Variants in HSP90B1 observed in about 807,000 individuals in gnomAD.
HSP90B1 encodes endoplasmin.
In HSP90B1, 27 loss-of-function variants were observed where a neutral mutation model predicts 100.4. The ratio of observed to expected loss-of-function variants is 0.27; its 90% CI spans 0.20 to 0.37. The LOEUF is 0.37. Among genes scored for constraint, HSP90B1 ranks in the 10% least tolerant of loss-of-function variants. The probability of loss-of-function intolerance (pLI) is 1.00; values close to 1 mark genes in which losing one functional copy is unlikely to be tolerated. For missense variants in HSP90B1, 678 were observed against 960.5 expected (o/e 0.71, Z 3.89); for synonymous variants, 304 against 330.8 (o/e 0.92, Z 0.88).
At position 103,934,175 on chromosome 12, in the gene HSP90B1, G is replaced by A. The variant is rs780636706; in HGVS notation, c.631G>A (p.Val211Ile). 1.2e-6 allele frequency: 2 copies of A among 1,614,182 alleles called. No homozygotes were observed. The highest frequency in any genetic ancestry group is 1.7e-6 in the Non-Finnish European group (2 of 1,180,040). ...CTTCCTTGTAGCAGATAAGGTTATTGTCACTTCAAAACACAACAACGATAC... is the reference window on the plus strand; with the variant it reads ...CTTCCTTGTAGCAGATAAGGTTATTATCACTTCAAAACACAACAACGATAC... ...SAFLVADKVI[V>I]TSKHNNDTQH... Residue 211 changes from valine to isoleucine, a missense_variant, in exon 5 of 18, where the codon GTC becomes ATC. Physicochemically the swap from Val to Ile is conservative, Grantham distance 29. This residue lies in a region of HSP90B1 where 238 missense variants were observed against 346.7 expected (regional missense o/e 0.69). Coordinates refer to ENST00000299767, the MANE Select transcript of HSP90B1 (RefSeq NM_003299.3).
In HSP90B1 at chr12:103,937,796, G is replaced by A. The variant is rs749380659; in HGVS notation, c.845G>A (p.Trp282Ter). Residue 282 changes from tryptophan to a stop codon, truncating the protein, a stop_gained, in exon 6 of 18, where the codon TGG becomes TAG. Coordinates refer to ENST00000299767, the MANE Select transcript of HSP90B1 (RefSeq NM_003299.3). LOFTEE classifies it high-confidence loss of function. ...TTCATAAACTTTCCTATTTATGTAT[G>A]GAGCAGCAAGGTAAATCTATATTGA... is the stretch of plus-strand genomic sequence containing the variant. The part of the protein sequence containing the change: ...SQFINFPIYV[W>*]SSKTETVEEP... 1 of 1,456,926 alleles carries A rather than the reference G, an allele frequency of 6.9e-7. No homozygotes were observed. Among genetic ancestry groups the A allele is most frequent in the South Asian group, 1.2e-5 (1 of 86,530 alleles). 90.2% of individuals were successfully genotyped at this position (1,456,926 alleles called of 1,614,324 possible). A position where few individuals can be genotyped will look rare whatever the true frequency, so the allele number is the denominator to read the frequency against.
intron 2 of HSP90B1, 112 bp from the exon 3 acceptor site, chr12:103,932,165 C>T: frequency 2.5e-6 from 2 of 795,224 alleles, no homozygotes; most frequent in Non-Finnish European, 3.9e-6. Flanking sequence ...TAAAGGTTTC[C>T]ATTTTAACCC....
intron 5 of HSP90B1, 82 bp from the exon 6 acceptor site, chr12:103,937,613 G>A: frequency 2.8e-6 from 2 of 722,770 alleles, no homozygotes; most frequent in Non-Finnish European, 5.0e-6. Context: ...TGAACTGCTG[G>A]CTATTACCAT....
intron 6 of HSP90B1, 71 bp downstream of exon 6, chr12:103,937,877 A>C: frequency 1.2e-6 from 1 of 822,790 alleles, no homozygotes; most frequent in Non-Finnish European, 2.0e-6. Flanking sequence ...CACTAAAAGA[A>C]TGAAGGCAGG....
intron 5 of HSP90B1, among the ~76,000 whole-genome samples, chr12:103,936,763 A>G (rs1869931837): frequency 6.6e-6 from 1 of 152,016 alleles, no homozygotes. Flanking sequence ...AAATGCTTCT[A>G]CCTAAGATAT....
At chr12:103,942,916 G>T in intron 12 of HSP90B1, 120 bp downstream of exon 12, 1 of 1,420,350 alleles carries the variant, frequency 7.0e-7, no homozygotes, top group South Asian at 1.4e-5. Flanking sequence ...ATAAGGCCTG[G>T]TCAGTCACTG....
At chr12:103,932,791 A>G (rs749412610) in intron 3 of HSP90B1, 35 bp from the exon 4 acceptor site, 27 of 1,050,886 alleles carry the variant, frequency 2.6e-5, no homozygotes, top group Non-Finnish European at 3.9e-5. Flanking sequence ...CATCTTGAGG[A>G]TAGTCTAAGT....
Position 103,943,258 on chromosome 12 carries a change from C to T in HSP90B1, c.1829C>T (p.Ala610Val). 1 of 1,613,952 alleles carries T rather than the reference C, an allele frequency of 6.2e-7. No individual in the cohort carries two copies. The part of the protein sequence containing the change: ...ESEKTKESRE[A>V]VEKEFEPLLN... Reference sequence around the variant, plus strand: ...GAGAAAACTAAGGAGAGTCGTGAAGCAGTTGAGAAAGAATTTGAGCCTCTG... The same window carrying T: ...GAGAAAACTAAGGAGAGTCGTGAAGTAGTTGAGAAAGAATTTGAGCCTCTG... The change falls in exon 13 of 18, where the codon GCA becomes GTA. Residue 610 changes from alanine to valine, a missense_variant. Around this residue, in one of 8 missense-constraint regions of HSP90B1, gnomAD observed 170 missense variants for 236.7 expected, o/e 0.72. Coordinates refer to ENST00000299767, the MANE Select transcript of HSP90B1 (RefSeq NM_003299.3). This position sits in a 1 kb window ranked among gnomAD's most constrained non-coding sequence, Gnocchi z 5.3.
chr12:103,938,541 G>C, intron 7 of HSP90B1, 82 bp downstream of exon 7: 1 of 1,473,068 alleles, frequency 6.8e-7, no homozygotes, highest in Admixed American at 2.2e-5. Context: ...TGCACTGGCT[G>C]ATTTGAAGTC....
At chr12:103,938,051 A>G (rs942362705) in intron 6 of HSP90B1, among the ~76,000 whole-genome samples, 5 of 151,922 alleles carry the variant, frequency 3.3e-5, no homozygotes, top group Non-Finnish European at 7.4e-5. Context: ...CACGCCTGTA[A>G]TCCCAGCTAC....
rs752506564 is a variant in HSP90B1, at chr12:103,943,754, T to C, written c.1907T>C (p.Val636Ala). 1.1e-5 allele frequency: 18 copies of C among 1,613,726 alleles called. No homozygotes were observed. Among genetic ancestry groups the C allele is most frequent in the South Asian group, 2.2e-5 (2 of 91,026 alleles). ...TTCCCTAAGATTGAAAAGGCTGTGGTGTCTCAGCGCCTGACAGAATCTCCG... is the reference window on the plus strand; with the variant it reads ...TTCCCTAAGATTGAAAAGGCTGTGGCGTCTCAGCGCCTGACAGAATCTCCG... ...ALKDKIEKAV[V>A]SQRLTESPCA... is the part of the protein sequence containing the mutation. The change falls in exon 14 of 18, where the codon GTG (valine) becomes GCG (alanine). Residue 636 changes from valine to alanine, a missense_variant. Val to Ala is a moderately conservative substitution (Grantham distance 64). This residue lies in a region of HSP90B1 where 170 missense variants were observed against 236.7 expected (regional missense o/e 0.72). Coordinates refer to ENST00000299767, the MANE Select transcript of HSP90B1 (RefSeq NM_003299.3). The surrounding 1 kb of genome is among the most constrained non-coding windows in gnomAD (Gnocchi z 5.3).
At position 103,943,602 on chromosome 12, in the gene HSP90B1, C is replaced by A; in HGVS notation, c.1891-136C>A. On this transcript the variant is annotated intron_variant, in intron 13 of 17. Coordinates refer to ENST00000299767, the MANE Select transcript of HSP90B1 (RefSeq NM_003299.3). This position sits in a 1 kb window ranked among gnomAD's most constrained non-coding sequence, Gnocchi z 5.3. ...AGTGCCCCTACAAATTCTCCTAAACCTTAAGAAAAGCTATTTTTATGACCT... is the reference window on the plus strand; with the variant it reads ...AGTGCCCCTACAAATTCTCCTAAACATTAAGAAAAGCTATTTTTATGACCT... 1.1e-6 allele frequency: 1 copy of A among 944,420 alleles called. No homozygotes were observed. The highest frequency in any genetic ancestry group is 1.5e-6 in the Non-Finnish European group (1 of 653,942). 58.5% of individuals were successfully genotyped at this position (944,420 alleles called of 1,614,324 possible).
rs756902014 is a variant in HSP90B1, at chr12:103,947,430, G to A, written c.2382G>A (p.Lys794=). ...VGTDEEEETA[K]ESTAEKDEL ...CAGATGAAGAAGAAGAAACAGCAAA[G>A]GTATGGCAAATCAAGAATGTGACTT... Residue 794 remains lysine (K), a splice_region_variant and synonymous_variant, in exon 17 of 18, where the codon AAG becomes AAA. Coordinates refer to ENST00000299767, the MANE Select transcript of HSP90B1 (RefSeq NM_003299.3). The A allele has an allele frequency of 1.9e-6, 3 of 1,614,022 alleles. No individual in the cohort carries two copies. The highest frequency in any genetic ancestry group is 1.7e-5 in the Admixed American group (1 of 59,988).
intron 6 of HSP90B1, 85 bp downstream of exon 6, chr12:103,937,891 G>C: frequency 7.1e-6 from 5 of 704,896 alleles, no homozygotes; most frequent in Non-Finnish European, 1.2e-5. Context: ...AGGCAGGCCG[G>C]CGCGGTGGCT....
chr12:103,941,770 GT>G, intron 10 of HSP90B1, 61 bp from the exon 11 acceptor site: 2 of 1,603,448 alleles, frequency 1.2e-6, no homozygotes, highest in Non-Finnish European at 1.7e-6. Context: ...TAGAGTGTTT[GT>G]TTGGCTTTGC....
chr12:103,930,632 G>T lies in HSP90B1; in HGVS notation c.49+68G>T, dbSNP rs1869719451. On this transcript the variant is annotated intron_variant, in intron 1 of 17. Transcript: ENST00000299767. The surrounding 1 kb of genome is among the most constrained non-coding windows in gnomAD (Gnocchi z 4.4). ...CGGCCGCTTCTCGAAGGTCCTGGGG[G>T]CGTTGAACGTGGGAGGGGGGATCCC... 2.7e-6 allele frequency: 4 copies of T among 1,503,366 alleles called. No homozygotes were observed. The highest frequency in any genetic ancestry group is 3.6e-6 in the Non-Finnish European group (4 of 1,107,140). 93.1% of individuals were successfully genotyped at this position (1,503,366 alleles called of 1,614,324 possible).
chr12:103,937,150 G>C (rs1272490806), intron 5 of HSP90B1, among the ~76,000 whole-genome samples: 1 of 152,198 alleles, frequency 6.6e-6, no homozygotes, highest in Non-Finnish European at 1.5e-5. Flanking sequence ...TGACTGTTGA[G>C]TACTTGGAAT....
chr12:103,944,283 T>G (rs1671817314), intron 14 of HSP90B1, among the ~76,000 whole-genome samples: 2 of 152,174 alleles, frequency 1.3e-5, no homozygotes, highest in Admixed American at 1.3e-4. Context: ...CATTAAATTA[T>G]GGGTATCCAG....
At chr12:103,946,719 GCTTGT>G in intron 15 of HSP90B1, 23 bp downstream of exon 15, 6 of 1,612,772 alleles carry the variant, frequency 3.7e-6, no homozygotes, top group Non-Finnish European at 5.1e-6. Flanking sequence ...CAGTCCTCTT[GCTTGT>G]CTTTTAATTT....
Sources: gnomAD v4.1 joint callset for allele counts (sites outside exome capture counted in the v4.1 genomes callset) on GRCh38, gnomAD v4.1.1 for gene constraint, gnomAD v4.1.1 regional missense constraint, Gnocchi (gnomAD v3.1) non-coding constraint, MANE v1.5 for transcripts, NCBI Gene and HGNC (gene_info 2026-07-23, HGNC 2026-07-21) for gene names.